The following SCAPER variants were observed in gnomAD, a reference collection of about 807,000 sequenced individuals.
SCAPER encodes the protein S phase cyclin A-associated protein in the endoplasmic reticulum.
Under a neutral mutation model 182.2 loss-of-function variants are expected in SCAPER, and 98 were observed. That is an observed-to-expected ratio of 0.54 (90% CI 0.46 to 0.64). The LOEUF is 0.64. SCAPER is among the 30% of genes least tolerant of loss of function. The pLI, the probability that SCAPER is intolerant of heterozygous loss-of-function variation, is 0.00. For synonymous variants in SCAPER, 605 were observed against 564.6 expected, an observed-to-expected ratio of 1.07 and a Z score of -1.01; for missense variants, 1,432 against 1,690.0, an observed-to-expected ratio of 0.85 and a Z score of 2.68.
At chr15:76,586,472 T>C (rs1008588797) in intron 22 of SCAPER, among the ~76,000 whole-genome samples, 2 of 152,110 alleles carry the variant, frequency 1.3e-5, no homozygotes, top group African/African-American at 4.8e-5. Context: ...GAAAAGATAT[T>C]TCAAACCCCA....
At chr15:76,707,579 C>T (rs2059324115) in intron 17 of SCAPER, among the ~76,000 whole-genome samples, 1 of 152,040 alleles carries the variant, frequency 6.6e-6, no homozygotes, top group Admixed American at 6.6e-5. Context: ...TTATAAATTA[C>T]ATGAAACTAG....
chr15:76,421,929 TG>T (rs990562034), intron 26 of SCAPER, among the ~76,000 whole-genome samples: 25 of 152,294 alleles, frequency 1.6e-4, no homozygotes, highest in African/African-American at 6.0e-4. Context: ...ATCAGATAGT[TG>T]TAGATGTGTG....
chr15:76,894,400 C>T (rs568518589), intron 1 of SCAPER, among the ~76,000 whole-genome samples: 8 of 152,070 alleles, frequency 5.3e-5, no homozygotes, highest in East Asian at 1.9e-4. Context: ...CTAGTCTCTA[C>T]GTTCCAGCCT....
chr15:76,802,904 T>A (rs1335888680), intron 6 of SCAPER, among the ~76,000 whole-genome samples: 1 of 152,188 alleles, frequency 6.6e-6, no homozygotes, highest in Non-Finnish European at 1.5e-5. Flanking sequence ...CTTTTGCCTT[T>A]GTACAGAACC....
rs71143342 is a variant in SCAPER at position 76,579,265 on chromosome 15, C to CAAAAAA, written c.2712-4987_2712-4982dup. ...TGGGTGACAGAGCGAGACTCTGTCT[C>CAAAAAA]AAAAAAAAAAAAAAAAAAAAAAAAT... On this transcript the variant is annotated intron_variant, in intron 22 of 31. Coordinates refer to ENST00000563290, the MANE Select transcript of SCAPER (RefSeq NM_020843.4). Among the ~76,000 whole-genome samples the CAAAAAA allele has an allele frequency of 5.1e-4, 25 of 49,468 alleles. 1 individual carries two copies. The highest frequency in any genetic ancestry group is 2.8e-3 in the East Asian group (4 of 1,408). The allele number at this position is 49,468 out of a possible 152,430, so 32.5% of individuals were successfully genotyped here. A position where few individuals can be genotyped will look rare whatever the true frequency, so the allele number is the denominator to read the frequency against.
chr15:76,866,588 A>C (rs2072318517), intron 2 of SCAPER, among the ~76,000 whole-genome samples: 1 of 152,178 alleles, frequency 6.6e-6, no homozygotes, highest in African/African-American at 2.4e-5. Context: ...TACTCATCTT[A>C]CTACAAGATC....
intron 17 of SCAPER, 67 bp downstream of exon 17, chr15:76,728,528 G>C: frequency 6.3e-7 from 1 of 1,596,062 alleles, no homozygotes; most frequent in Non-Finnish European, 8.6e-7. Flanking sequence ...GACAGTAAAT[G>C]GCTTTAAGAC....
chr15:76,762,679 G>A (rs1458300591), intron 14 of SCAPER, among the ~76,000 whole-genome samples: 3 of 151,894 alleles, frequency 2.0e-5, no homozygotes, highest in Admixed American at 1.3e-4. Context: ...AACAGGATGC[G>A]GCTCTATTTC....
At chr15:76,676,259 C>T (rs1234697186) in intron 20 of SCAPER, among the ~76,000 whole-genome samples, 1 of 152,202 alleles carries the variant, frequency 6.6e-6, no homozygotes. Context: ...TAACACCCCA[C>T]TTCCTTCACC....
chr15:76,390,442 G>A (rs1022215800), intron 27 of SCAPER, among the ~76,000 whole-genome samples: 1 of 152,190 alleles, frequency 6.6e-6, no homozygotes, highest in Non-Finnish European at 1.5e-5. Flanking sequence ...TCTGGACCCT[G>A]GCAAAGGTCT....
chr15:76,652,057 T>C (rs547614899), intron 21 of SCAPER, among the ~76,000 whole-genome samples: 2 of 150,554 alleles, frequency 1.3e-5, no homozygotes, highest in East Asian at 3.9e-4. Context: ...GTGGAAGCAT[T>C]TGATAAAATC....
At chr15:76,599,331 A>G (rs539487489) in intron 22 of SCAPER, among the ~76,000 whole-genome samples, 1 of 122,630 alleles carries the variant, frequency 8.2e-6, no homozygotes, top group Admixed American at 9.2e-5. Context: ...AAATGGTAAT[A>G]ATACTTTGAA....
At chr15:76,771,651 A>G in intron 10 of SCAPER, 91 bp downstream of exon 10, 1 of 896,084 alleles carries the variant, frequency 1.1e-6, no homozygotes, top group South Asian at 1.8e-5. Flanking sequence ...TAAAAAGTAT[A>G]AATCATACAA....
intron 23 of SCAPER, among the ~76,000 whole-genome samples, chr15:76,532,317 C>CTCCCT (rs1265534275): frequency 6.6e-6 from 1 of 151,668 alleles, no homozygotes; most frequent in East Asian, 1.9e-4. Flanking sequence ...AACATTACCC[C>CTCCCT]TCCCCTCCCC....
At chr15:76,502,141 T>C (rs2041179412) in intron 24 of SCAPER, among the ~76,000 whole-genome samples, 1 of 152,210 alleles carries the variant, frequency 6.6e-6, no homozygotes, top group South Asian at 2.1e-4. Flanking sequence ...AAGTAGCACT[T>C]AGTTGAAAAC....
intron 27 of SCAPER, among the ~76,000 whole-genome samples, chr15:76,397,869 G>A (rs575832143): frequency 1.3e-5 from 2 of 152,280 alleles, no homozygotes; most frequent in East Asian, 3.9e-4. Flanking sequence ...TAGGTTGCAT[G>A]TGTCTCAAAA....
intron 27 of SCAPER, chr15:76,385,206 T>A (rs1242880890): frequency 6.6e-6 from 1 of 152,216 alleles, no homozygotes; most frequent in Non-Finnish European, 1.5e-5. Flanking sequence ...AAAAACAGCA[T>A]GATTTGTGTG....
intron 6 of SCAPER, among the ~76,000 whole-genome samples, chr15:76,803,890 C>A (rs2065956127): frequency 6.6e-6 from 1 of 152,034 alleles, no homozygotes; most frequent in Non-Finnish European, 1.5e-5. Flanking sequence ...CATCTGTCCT[C>A]TTGACCACAA....
At chr15:76,731,746 A>G (rs2151043319) in intron 16 of SCAPER, among the ~76,000 whole-genome samples, 1 of 152,370 alleles carries the variant, frequency 6.6e-6, no homozygotes, top group South Asian at 2.1e-4. Context: ...TTAAATCCAT[A>G]GGAAACTTCA....
Sources: allele counts gnomAD v4.1 joint callset (sites outside exome capture counted in the v4.1 genomes callset), GRCh38; gene constraint gnomAD v4.1.1; transcripts MANE v1.5; gene names NCBI Gene and HGNC (gene_info 2026-07-23, HGNC 2026-07-21).